The following MYT1L variants were observed in gnomAD, a reference collection of about 807,000 sequenced individuals.
The protein encoded by MYT1L is myelin transcription factor 1-like protein.
Under a neutral mutation model 126.7 loss-of-function variants are expected in MYT1L, and 12 were observed. That is an observed-to-expected ratio of 0.09 (90% CI 0.06 to 0.15). The LOEUF (loss-of-function observed/expected upper bound fraction) is 0.15, where lower values mean the gene tolerates loss of function less well. MYT1L is among the 10% of genes least tolerant of loss of function. The pLI, the probability that MYT1L is intolerant of heterozygous loss-of-function variation, is 1.00. For missense variants in MYT1L, 979 were observed against 1,585.2 expected (o/e 0.62, Z 6.49); for synonymous variants, 541 against 604.2 (o/e 0.90, Z 1.53).
At chr2:1,872,740 T>C (rs1358388173) in intron 18 of MYT1L, among the ~76,000 whole-genome samples, 4 of 152,242 alleles carry the variant, frequency 2.6e-5, no homozygotes, top group Non-Finnish European at 4.4e-5. Flanking sequence ...CTCCAGGCCA[T>C]TCATGGGCTG....
rs563555494 is a variant in MYT1L at position 2,316,209 on chromosome 2, C to G, written c.-521+14758G>C. 2.6e-5 allele frequency among the ~76,000 whole-genome samples: 4 copies of G among 152,244 alleles called. No individual in the cohort carries two copies. The South Asian group carries it at 8.3e-4, about 32-fold the overall frequency. On this transcript the variant is annotated intron_variant, in intron 1 of 24. Coordinates refer to ENST00000647738, the MANE Select transcript of MYT1L (RefSeq NM_001303052.2). ...CTTTTCCCACTGTGGGCCTGATGTT[C>G]TTCTCTATTTCGCTGGGATATTTTG...
At chr2:1,855,075 C>A (rs1461986494) in intron 18 of MYT1L, among the ~76,000 whole-genome samples, 1 of 152,168 alleles carries the variant, frequency 6.6e-6, no homozygotes, top group African/African-American at 2.4e-5. Context: ...TCTTGGTATC[C>A]ATTTTTATGT....
At chr2:2,100,117 CTT>C (rs1051290033) in intron 3 of MYT1L, among the ~76,000 whole-genome samples, 9 of 152,116 alleles carry the variant, frequency 5.9e-5, no homozygotes, top group Middle Eastern at 3.2e-3. Context: ...TTAATCCAAT[CTT>C]AGGTTCAATA....
chr2:2,009,154 T>A (rs1314031541), intron 4 of MYT1L, among the ~76,000 whole-genome samples: 1 of 152,006 alleles, frequency 6.6e-6, no homozygotes, highest in East Asian at 1.9e-4. Context: ...CAGTGGTTTT[T>A]TTTTTCTTTT....
intron 2 of MYT1L, among the ~76,000 whole-genome samples, chr2:2,173,836 C>T (rs887967686): frequency 6.6e-6 from 1 of 152,154 alleles, no homozygotes; most frequent in Non-Finnish European, 1.5e-5. Context: ...CTGAGGGGCT[C>T]CCCATGCTGT....
At chr2:2,268,293 C>T (rs1216864267) in intron 2 of MYT1L, among the ~76,000 whole-genome samples, 1 of 152,116 alleles carries the variant, frequency 6.6e-6, no homozygotes, top group Non-Finnish European at 1.5e-5. Context: ...TTACTTTTCA[C>T]ACATTTTACT....
At chr2:2,027,663 T>A (rs1043874707) in intron 4 of MYT1L, among the ~76,000 whole-genome samples, 1 of 152,338 alleles carries the variant, frequency 6.6e-6, no homozygotes, top group South Asian at 2.1e-4. Context: ...ACTAAAAGGC[T>A]GGTTAGAGGG....
intron 3 of MYT1L, among the ~76,000 whole-genome samples, chr2:2,096,292 C>T (rs1311233620): frequency 2.6e-5 from 4 of 152,220 alleles, no homozygotes; most frequent in Non-Finnish European, 5.9e-5. Context: ...AAGGGACATG[C>T]ACACAGACAG....
chr2:2,203,842 A>G lies in MYT1L; in HGVS notation c.-420-30854T>C, dbSNP rs1459034994. On this transcript the variant is annotated intron_variant, in intron 2 of 24. Coordinates refer to ENST00000647738, the MANE Select transcript of MYT1L (RefSeq NM_001303052.2). ...AAAAGAACAAAGCTGGAGGCATCAC[A>G]CTACCTGACTTCAAACTATACTACA... is the stretch of plus-strand genomic sequence containing the variant. Among the ~76,000 whole-genome samples, 11 of 152,274 alleles carry G rather than the reference A, an allele frequency of 7.2e-5. No individual in the cohort carries two copies. In the South Asian group the frequency reaches 1.9e-3, roughly 26 times the overall value.
chr2:1,809,562 G>A (rs1475457827), intron 21 of MYT1L, among the ~76,000 whole-genome samples: 1 of 152,122 alleles, frequency 6.6e-6, no homozygotes, highest in Non-Finnish European at 1.5e-5. Context: ...TAGAAAGGTT[G>A]GGTTTAAAAG....
chr2:2,288,073 T>C (rs1322686584), intron 1 of MYT1L, among the ~76,000 whole-genome samples: 1 of 152,304 alleles, frequency 6.6e-6, no homozygotes, highest in East Asian at 1.9e-4. Context: ...CCTGACACAC[T>C]CTAGTTCATT....
chr2:1,969,739 G>A (rs1320798370), intron 8 of MYT1L, among the ~76,000 whole-genome samples: 2 of 152,186 alleles, frequency 1.3e-5, no homozygotes, highest in African/African-American at 4.8e-5. Flanking sequence ...CCTTCCTGCA[G>A]CCCTCTCTGG....
intron 2 of MYT1L, among the ~76,000 whole-genome samples, chr2:2,263,789 G>A (rs957533252): frequency 2.0e-5 from 3 of 152,104 alleles, no homozygotes; most frequent in Admixed American, 2.0e-4. Flanking sequence ...GCCAGTGACT[G>A]TACCCATTTG....
At position 1,929,639 on chromosome 2, in the gene MYT1L, A is replaced by G. The variant is rs2054691270; in HGVS notation, c.506-6376T>C. ...GTGATTTCTGAGTTAACAGAGGTTA[A>G]AATTCTCCCAGCAGAAGCTCCCACT... On this transcript the variant is annotated intron_variant, in intron 9 of 24. Coordinates refer to ENST00000647738, the MANE Select transcript of MYT1L (RefSeq NM_001303052.2). The surrounding 1 kb of genome is among the most constrained non-coding windows in gnomAD (Gnocchi z 4.7). Among the ~76,000 whole-genome samples the G allele has an allele frequency of 6.6e-6, 1 of 152,206 alleles. No individual in the cohort carries two copies. The highest frequency in any genetic ancestry group is 2.4e-5 in the African/African-American group (1 of 41,454).
chr2:2,310,653 C>A (rs2095952081), intron 1 of MYT1L, among the ~76,000 whole-genome samples: 2 of 152,180 alleles, frequency 1.3e-5, no homozygotes, highest in South Asian at 4.1e-4. Context: ...CCCACTCCAG[C>A]CTGGCTTGAC....
At chr2:2,162,105 T>C (rs1226247349) in intron 3 of MYT1L, among the ~76,000 whole-genome samples, 1 of 152,180 alleles carries the variant, frequency 6.6e-6, no homozygotes, top group Non-Finnish European at 1.5e-5. Flanking sequence ...CAAATGAATT[T>C]GGACTCCAAA....
At chr2:2,253,733 G>A (rs1271321243) in intron 2 of MYT1L, among the ~76,000 whole-genome samples, 1 of 151,818 alleles carries the variant, frequency 6.6e-6, no homozygotes, top group African/African-American at 2.4e-5. Context: ...AGGGCAAGTC[G>A]GAAACAGGAA....
intron 4 of MYT1L, among the ~76,000 whole-genome samples, chr2:2,017,640 C>T (rs1294948427): frequency 6.6e-6 from 1 of 152,190 alleles, no homozygotes; most frequent in Non-Finnish European, 1.5e-5. Context: ...TGTTTAAGCA[C>T]TTAAGATGTA....
intron 3 of MYT1L, among the ~76,000 whole-genome samples, chr2:2,134,040 A>G (rs2082719309): frequency 1.3e-5 from 2 of 152,148 alleles, no homozygotes; most frequent in Admixed American, 1.3e-4. Flanking sequence ...AAACAGCTGA[A>G]AGTCTCCTGA....
Sources: gnomAD v4.1 joint callset for allele counts (sites outside exome capture counted in the v4.1 genomes callset) on GRCh38, gnomAD v4.1.1 for gene constraint, Gnocchi (gnomAD v3.1) non-coding constraint, MANE v1.5 for transcripts, NCBI Gene and HGNC (gene_info 2026-07-23, HGNC 2026-07-21) for gene names.